FAT3: variants seen among roughly 807,000 people sequenced by gnomAD.
FAT3 encodes the protein protocadherin Fat 3.
FAT3 carries 95 observed loss-of-function variants against 310.2 expected under a neutral mutation model. The ratio of observed to expected loss-of-function variants is 0.31; its 90% confidence interval spans 0.26 to 0.36. The LOEUF is 0.36. FAT3 is among the 10% of genes least tolerant of loss of function. FAT3 has a pLI of 1.00. For missense variants in FAT3, 5,408 were observed against 5,715.6 expected, an observed-to-expected ratio of 0.95 and a Z score of 1.74; for synonymous variants, 2,314 against 2,192.9, an observed-to-expected ratio of 1.06 and a Z score of -1.54.
intron 2 of FAT3, among the ~76,000 whole-genome samples, chr11:92,367,600 C>T (rs1336504863): frequency 6.6e-6 from 1 of 152,062 alleles, no homozygotes; most frequent in Non-Finnish European, 1.5e-5. Context: ...CACTACAATC[C>T]AGCTTGGATG....
intron 3 of FAT3, among the ~76,000 whole-genome samples, chr11:92,587,607 G>C (rs1263398919): frequency 6.6e-6 from 1 of 151,934 alleles, no homozygotes; most frequent in Non-Finnish European, 1.5e-5. Flanking sequence ...CCTTGAGTTT[G>C]AGTATTTCAT....
chr11:92,703,936 T>G (rs1944182142), intron 4 of FAT3, among the ~76,000 whole-genome samples: 1 of 152,324 alleles, frequency 6.6e-6, no homozygotes, highest in South Asian at 2.1e-4. Flanking sequence ...AACTGTGCTC[T>G]CACGTTATAT....
At chr11:92,299,079 C>T (rs1438129299) in intron 1 of FAT3, among the ~76,000 whole-genome samples, 2 of 152,010 alleles carry the variant, frequency 1.3e-5, no homozygotes, top group Non-Finnish European at 2.9e-5. Context: ...GGCTTTGGAG[C>T]TTCCATAAGC....
intron 3 of FAT3, among the ~76,000 whole-genome samples, chr11:92,644,063 G>A (rs982786925): frequency 6.6e-6 from 1 of 152,236 alleles, no homozygotes; most frequent in African/African-American, 2.4e-5. Context: ...ATGCCTGGGT[G>A]CCTCTGCTGC....
intron 1 of FAT3, among the ~76,000 whole-genome samples, chr11:92,279,866 G>T (rs1239632590): frequency 2.6e-5 from 4 of 152,186 alleles, no homozygotes; most frequent in African/African-American, 2.4e-5. Flanking sequence ...AAAAGGATAA[G>T]ATAACTGAGG....
chr11:92,345,264 A>T (rs1948382434), intron 1 of FAT3, among the ~76,000 whole-genome samples: 1 of 152,100 alleles, frequency 6.6e-6, no homozygotes, highest in Non-Finnish European at 1.5e-5. Context: ...TTACCATTTC[A>T]AGGCTGTTTG....
chr11:92,764,945 A>G lies in FAT3; in HGVS notation c.4051A>G (p.Lys1351Glu). The part of the protein sequence containing the change: ...STARLHIEWI[K>E]KPPPSPIPLT... ...GGCCCGCCTCCACATTGAATGGATTAAGAAACCACCCCCTTCACCTATACC... is the reference window on the plus strand; with the variant it reads ...GGCCCGCCTCCACATTGAATGGATTGAGAAACCACCCCCTTCACCTATACC... The change falls in exon 6 of 28, where the codon AAG becomes GAG. Residue 1351 changes from lysine (K) to glutamate (E), a missense_variant. Around this residue, in one of 5 missense-constraint regions of FAT3, gnomAD observed 4,588 missense variants for 4,809.8 expected, o/e 0.95. Transcript: ENST00000525166. The G allele has an allele frequency of 6.2e-7, 1 of 1,613,896 alleles. No homozygotes were observed. The highest frequency in any genetic ancestry group is 8.5e-7 in the Non-Finnish European group (1 of 1,179,856).
chr11:92,498,087 T>G (rs558318952), intron 2 of FAT3: 1 of 153,174 alleles, frequency 6.5e-6, no homozygotes, highest in Admixed American at 6.6e-5. Context: ...TCTCTTGCTC[T>G]TATTTTTTTT....
intron 7 of FAT3, among the ~76,000 whole-genome samples, chr11:92,782,181 G>A (rs1347477425): frequency 6.6e-6 from 1 of 152,202 alleles, no homozygotes; most frequent in Non-Finnish European, 1.5e-5. Flanking sequence ...TAATTAGCCA[G>A]ATGTGGTGGT....
intron 3 of FAT3, among the ~76,000 whole-genome samples, chr11:92,615,122 G>C (rs1398003267): frequency 1.3e-5 from 2 of 152,182 alleles, no homozygotes; most frequent in Admixed American, 6.5e-5. Context: ...TGTAAGTTTT[G>C]AAATCAAAAT....
chr11:92,614,059 G>T (rs1387377427), intron 3 of FAT3, among the ~76,000 whole-genome samples: 2 of 152,082 alleles, frequency 1.3e-5, no homozygotes, highest in Non-Finnish European at 2.9e-5. Flanking sequence ...CATTAATATT[G>T]CAGAGTGTAT....
chr11:92,482,923 G>C (rs1952273065), intron 2 of FAT3, among the ~76,000 whole-genome samples: 1 of 152,232 alleles, frequency 6.6e-6, no homozygotes, highest in Non-Finnish European at 1.5e-5. Flanking sequence ...CTGACCAGCA[G>C]TCTCAGAAGC....
At chr11:92,660,170 C>T (rs1942731646) in intron 3 of FAT3, among the ~76,000 whole-genome samples, 1 of 150,406 alleles carries the variant, frequency 6.6e-6, no homozygotes, top group Non-Finnish European at 1.5e-5. Flanking sequence ...GAATTTCTAG[C>T]AACATTTGTT....
At chr11:92,225,699 G>T (rs1206058239) in intron 1 of FAT3, among the ~76,000 whole-genome samples, 1 of 152,068 alleles carries the variant, frequency 6.6e-6, no homozygotes, top group African/African-American at 2.4e-5. Context: ...CTCCACTTTC[G>T]CTAGGAAAGG....
intron 2 of FAT3, among the ~76,000 whole-genome samples, chr11:92,370,129 A>G (rs2099464381): frequency 6.6e-6 from 1 of 152,220 alleles, no homozygotes; most frequent in African/African-American, 2.4e-5. Context: ...CTAAATTATA[A>G]GAAGTTTCAA....
chr11:92,465,772 T>A (rs1951743911), intron 2 of FAT3, among the ~76,000 whole-genome samples: 1 of 151,800 alleles, frequency 6.6e-6, no homozygotes, highest in Non-Finnish European at 1.5e-5. Context: ...AAATGATGAG[T>A]TAATGGGTGC....
At chr11:92,228,212 A>G (rs1298881513) in intron 1 of FAT3, among the ~76,000 whole-genome samples, 1 of 152,118 alleles carries the variant, frequency 6.6e-6, no homozygotes, top group Non-Finnish European at 1.5e-5. Flanking sequence ...TGGCTGCAGG[A>G]TTTTCACAGC....
chr11:92,697,352 T>G, intron 3 of FAT3, 32 bp from the exon 4 acceptor site: 2 of 1,609,172 alleles, frequency 1.2e-6, no homozygotes, highest in Non-Finnish European at 1.7e-6. Flanking sequence ...GCCCCAGATA[T>G]TTAAAAGTCA....
At chr11:92,829,264 C>T (rs544527617) in intron 13 of FAT3, among the ~76,000 whole-genome samples, 38 of 152,342 alleles carry the variant, frequency 2.5e-4, no homozygotes, top group African/African-American at 8.4e-4. Context: ...TAGTTCCCAG[C>T]ACATGCACTA....
Sources: gnomAD v4.1 joint callset for allele counts (sites outside exome capture counted in the v4.1 genomes callset) on GRCh38, gnomAD v4.1.1 for gene constraint, gnomAD v4.1.1 regional missense constraint, MANE v1.5 for transcripts, NCBI Gene and HGNC (gene_info 2026-07-23, HGNC 2026-07-21) for gene names.